The following RAD54B variants were observed in gnomAD, a reference collection of about 807,000 sequenced individuals.
RAD54B encodes the protein DNA repair and recombination protein RAD54B.
RAD54B carries 78 observed loss-of-function variants against 95.8 expected under a neutral mutation model. The ratio of observed to expected loss-of-function variants is 0.81; its 90% CI spans 0.68 to 0.98. The LOEUF is 0.98. Among genes scored for constraint, RAD54B ranks in the 50% least tolerant of loss-of-function variants. The probability of loss-of-function intolerance (pLI) is 0.00; values close to 1 mark genes in which losing one functional copy is unlikely to be tolerated. For missense variants in RAD54B, 957 were observed against 1,056.6 expected, an observed-to-expected ratio of 0.91 and a Z score of 1.31; for synonymous variants, 328 against 354.9, an observed-to-expected ratio of 0.92 and a Z score of 0.85.
intron 4 of RAD54B, among the ~76,000 whole-genome samples, chr8:94,409,863 G>T (rs1811484164): frequency 6.6e-6 from 1 of 152,054 alleles, no homozygotes; most frequent in African/African-American, 2.4e-5. Flanking sequence ...ACTGACTTTA[G>T]AATTTCACTA....
chr8:94,448,179 T>C (rs935568890), intron 3 of RAD54B, among the ~76,000 whole-genome samples: 3 of 152,164 alleles, frequency 2.0e-5, no homozygotes, highest in African/African-American at 7.2e-5. Flanking sequence ...AGAGGCTGAA[T>C]GTCATTATTA....
At chr8:94,390,090 A>C (rs1156702853) in intron 10 of RAD54B, among the ~76,000 whole-genome samples, 1 of 152,122 alleles carries the variant, frequency 6.6e-6, no homozygotes, top group African/African-American at 2.4e-5. Flanking sequence ...CTGTAATCTC[A>C]GCACTTTGGG....
chr8:94,463,670 G>A (rs1211133721), intron 2 of RAD54B, among the ~76,000 whole-genome samples: 1 of 151,774 alleles, frequency 6.6e-6, no homozygotes, highest in African/African-American at 2.4e-5. Flanking sequence ...TTGAGCTCAG[G>A]ACTTAGAGAC....
intron 4 of RAD54B, among the ~76,000 whole-genome samples, chr8:94,409,119 T>A (rs1811466706): frequency 2.0e-5 from 3 of 152,098 alleles, no homozygotes; most frequent in Non-Finnish European, 4.4e-5. Context: ...TATCTTTACA[T>A]TAACAAATTT....
intron 3 of RAD54B, among the ~76,000 whole-genome samples, chr8:94,419,305 C>T (rs1345565311): frequency 1.3e-5 from 2 of 152,088 alleles, no homozygotes; most frequent in Admixed American, 6.5e-5. Flanking sequence ...GTCAGCAGTT[C>T]GAGACCAGCC....
chr8:94,372,498 C>T lies in RAD54B; in HGVS notation c.2516-111G>A, dbSNP rs916952044. On this transcript the variant is annotated intron_variant, in intron 14 of 14. Transcript: ENST00000336148. ...TTATGTGATTTATTACATTTGATCACCATGGTTCAAGTTAAAACAAATTCA... is the reference window on the plus strand; with the variant it reads ...TTATGTGATTTATTACATTTGATCATCATGGTTCAAGTTAAAACAAATTCA... 6 of 1,481,084 alleles carry T rather than the reference C, an allele frequency of 4.1e-6. No homozygotes were observed. The African/African-American group carries it at 8.6e-5, about 21-fold the overall frequency. The allele number at this position is 1,481,084 out of a possible 1,614,324, so 91.7% of individuals were successfully genotyped here. A position where few individuals can be genotyped will look rare whatever the true frequency, so the allele number is the denominator to read the frequency against.
At chr8:94,379,784 T>C (rs1459096402) in intron 12 of RAD54B, among the ~76,000 whole-genome samples, 2 of 152,212 alleles carry the variant, frequency 1.3e-5, no homozygotes, top group Non-Finnish European at 2.9e-5. Context: ...ACACTAATCA[T>C]AGCATCTGTA....
chr8:94,407,281 T>A (rs1311607107), intron 5 of RAD54B, among the ~76,000 whole-genome samples, 158 bp downstream of exon 5: 1 of 152,182 alleles, frequency 6.6e-6, no homozygotes, highest in Admixed American at 6.6e-5. Flanking sequence ...TATATTGTTA[T>A]TTGACTTCAA....
Position 94,414,359 on chromosome 8 carries a change from C to T in RAD54B, c.305-3044G>A, listed in dbSNP as rs951659272. Among the ~76,000 whole-genome samples the T allele has an allele frequency of 3.0e-4, 46 of 152,282 alleles. No individual in the cohort carries two copies. The East Asian group carries it at 7.5e-3, about 25-fold the overall frequency. ...ATTGCCCTGGCCAGAACTTCCAACA[C>T]TATGTTGAATAGGAGTGGTGAGAGA... On this transcript the variant is annotated intron_variant, in intron 3 of 14. Transcript: ENST00000336148.
chr8:94,410,993 G>T (rs1791519763), intron 4 of RAD54B, 128 bp downstream of exon 4: 2 of 667,006 alleles, frequency 3.0e-6, no homozygotes, highest in South Asian at 4.0e-5. Context: ...ATACACAGTT[G>T]AGGCATGAAC....
chr8:94,391,240 TA>T (rs1811009786), intron 10 of RAD54B, among the ~76,000 whole-genome samples: 1 of 151,892 alleles, frequency 6.6e-6, no homozygotes, highest in Admixed American at 6.6e-5. Context: ...AAAAATAAAT[TA>T]TTTTTAATGG....
chr8:94,437,015 T>C, intron 3 of RAD54B: 1 of 1,376,278 alleles, frequency 7.3e-7, no homozygotes. Flanking sequence ...TTATTAAAAT[T>C]CCTCCAGCTT....
chr8:94,436,784 G>A, intron 3 of RAD54B: 2 of 1,550,130 alleles, frequency 1.3e-6, no homozygotes, highest in Non-Finnish European at 1.7e-6. Flanking sequence ...TGTTCTTCGA[G>A]AATTTTCACA....
At chr8:94,399,071 T>TA (rs1811208575) in intron 8 of RAD54B, among the ~76,000 whole-genome samples, 1 of 152,088 alleles carries the variant, frequency 6.6e-6, no homozygotes, top group African/African-American at 2.4e-5. Flanking sequence ...ATTCCTATTT[T>TA]AGAGATTTAA....
chr8:94,381,410 C>T (rs1810736421), intron 11 of RAD54B, among the ~76,000 whole-genome samples: 1 of 152,182 alleles, frequency 6.6e-6, no homozygotes, highest in Admixed American at 6.5e-5. Flanking sequence ...TGTTTTACTG[C>T]TTCACTCTTA....
chr8:94,444,128 T>C (rs73271959), intron 3 of RAD54B, among the ~76,000 whole-genome samples: 15,513 of 151,996 alleles, frequency 0.1, 1,502 homozygotes, highest in African/African-American at 0.24. Context: ...GTCCAACATA[T>C]AAAGAACTCA....
chr8:94,389,458 T>C (rs984575348), intron 10 of RAD54B, among the ~76,000 whole-genome samples: 3 of 152,196 alleles, frequency 2.0e-5, no homozygotes, highest in Non-Finnish European at 4.4e-5. Flanking sequence ...AATTGACCAA[T>C]AGATAATATC....
intron 3 of RAD54B, chr8:94,428,341 G>A (rs1811996195): frequency 1.0e-6 from 1 of 982,268 alleles, no homozygotes; most frequent in South Asian, 4.7e-5. Context: ...AAGATGTCTG[G>A]TGGCTTAAGT....
At chr8:94,411,396 G>A in intron 3 of RAD54B, 81 bp from the exon 4 acceptor site, 1 of 1,073,700 alleles carries the variant, frequency 9.3e-7, no homozygotes, top group Non-Finnish European at 1.3e-6. Flanking sequence ...AAACCAAAAG[G>A]CACAAGAAAA....
Sources: allele counts gnomAD v4.1 joint callset (sites outside exome capture counted in the v4.1 genomes callset), GRCh38; gene constraint gnomAD v4.1.1; transcripts MANE v1.5; gene names NCBI Gene and HGNC (gene_info 2026-07-23, HGNC 2026-07-21).